SEMA6D: variants seen among roughly 807,000 people sequenced by gnomAD.
The protein encoded by SEMA6D is semaphorin 6D.
In SEMA6D, 35 loss-of-function variants were observed where a neutral mutation model predicts 106.6. That is an observed-to-expected ratio of 0.33 (90% confidence interval 0.25 to 0.44). SEMA6D has a LOEUF of 0.44. Ranked by LOEUF, SEMA6D falls within the 20% of genes least tolerant of loss-of-function variation. SEMA6D has a pLI of 1.00. For synonymous variants in SEMA6D, 499 were observed against 487.7 expected, an observed-to-expected ratio of 1.02 and a Z score of -0.31; for missense variants, 1,185 against 1,345.9, an observed-to-expected ratio of 0.88 and a Z score of 1.87.
chr15:47,203,602 C>A (rs1170744923), intron 1 of SEMA6D, among the ~76,000 whole-genome samples: 2 of 152,102 alleles, frequency 1.3e-5, no homozygotes, highest in Non-Finnish European at 2.9e-5. Context: ...ACCATCTGGC[C>A]CATCTTTGAG....
intron 3 of SEMA6D, among the ~76,000 whole-genome samples, chr15:47,532,555 T>C (rs2045007994): frequency 6.6e-6 from 1 of 152,168 alleles, no homozygotes; most frequent in South Asian, 2.1e-4. Flanking sequence ...AAACCTTTAT[T>C]AGATGTCAAA....
chr15:47,306,461 C>A (rs914766366), intron 1 of SEMA6D, among the ~76,000 whole-genome samples: 2 of 152,096 alleles, frequency 1.3e-5, no homozygotes, highest in African/African-American at 4.8e-5. Context: ...GTGGCTTATG[C>A]CTGTAATCCC....
intron 1 of SEMA6D, among the ~76,000 whole-genome samples, chr15:47,239,726 CA>C (rs1032379326): frequency 1.3e-5 from 2 of 152,138 alleles, no homozygotes; most frequent in African/African-American, 4.8e-5. Context: ...ATATCAGTTT[CA>C]CGTATGGTAG....
At position 47,217,566 on chromosome 15, in the gene SEMA6D, GGTGTGTGT is replaced by G. The variant is rs146342466; in HGVS notation, c.-239+33169_-239+33176del. Reference sequence around the variant, plus strand: ...GTGAAATACAAACCACGCGTGCACGGGTGTGTGTGTGTGTGTGTGTGTGTGTGTTTAAT... The same window carrying G: ...GTGAAATACAAACCACGCGTGCACGGGTGTGTGTGTGTGTGTGTGTTTAAT... On this transcript the variant is annotated intron_variant, in intron 1 of 19. Coordinates refer to the SEMA6D transcript ENST00000558014. Among the ~76,000 whole-genome samples, 95 of 145,918 alleles carry G rather than the reference GGTGTGTGT, an allele frequency of 6.5e-4. 1 individual carries two copies. Among genetic ancestry groups the G allele is most frequent in the South Asian group, 1.6e-3 (7 of 4,496 alleles).
chr15:47,641,921 G>A (rs1005796182), intron 4 of SEMA6D, among the ~76,000 whole-genome samples: 4 of 152,196 alleles, frequency 2.6e-5, no homozygotes, highest in Non-Finnish European at 5.9e-5. Flanking sequence ...GATGTGCCCT[G>A]TTGTAGCACA....
intron 4 of SEMA6D, among the ~76,000 whole-genome samples, chr15:47,673,050 G>T (rs1194535353): frequency 6.6e-6 from 1 of 151,896 alleles, no homozygotes; most frequent in Non-Finnish European, 1.5e-5. Flanking sequence ...GACCATTTTC[G>T]TGGGTTTCAT....
At chr15:47,317,886 A>G (rs2036745380) in intron 1 of SEMA6D, among the ~76,000 whole-genome samples, 1 of 151,942 alleles carries the variant, frequency 6.6e-6, no homozygotes, top group Admixed American at 6.5e-5. Context: ...GGGATCTATA[A>G]TTTTGAGTTT....
At chr15:47,737,502 C>T (rs1189249268) in intron 1 of SEMA6D, among the ~76,000 whole-genome samples, 1 of 152,148 alleles carries the variant, frequency 6.6e-6, no homozygotes, top group African/African-American at 2.4e-5. Flanking sequence ...TAGTATTTGT[C>T]TATATGCATC....
intron 1 of SEMA6D, 75 bp downstream of exon 1, chr15:47,717,767 C>CTGTGTGTGTGTGTGTGTGTG (rs112847344): frequency 8.7e-6 from 1 of 115,288 alleles, no homozygotes; most frequent in African/African-American, 4.0e-5. Context: ...TCCCGAATCG[C>CTGTGTGTGTGTGTGTGTGTG]TGTGTGTGTG....
intron 2 of SEMA6D, among the ~76,000 whole-genome samples, chr15:47,454,636 T>C (rs1396271389): frequency 1.4e-5 from 2 of 140,084 alleles, no homozygotes; most frequent in Non-Finnish European, 3.0e-5. Context: ...CAGAGCTTTT[T>C]ACCCCATTAT....
intron 4 of SEMA6D, among the ~76,000 whole-genome samples, chr15:47,612,903 G>A (rs2076938776): frequency 6.6e-6 from 1 of 152,042 alleles, no homozygotes; most frequent in Non-Finnish European, 1.5e-5. Flanking sequence ...TCTAGATCTT[G>A]TAGTTAACAA....
At chr15:47,190,537 A>C (rs893391768) in intron 1 of SEMA6D, among the ~76,000 whole-genome samples, 1 of 152,296 alleles carries the variant, frequency 6.6e-6, no homozygotes, top group South Asian at 2.1e-4. Flanking sequence ...ATTAGCTCCA[A>C]GTTTGGCCTT....
chr15:47,282,525 T>C (rs1158626250), intron 1 of SEMA6D, among the ~76,000 whole-genome samples: 1 of 152,188 alleles, frequency 6.6e-6, no homozygotes, highest in African/African-American at 2.4e-5. Flanking sequence ...ACAAACACTC[T>C]TATAAGTGTA....
At chr15:47,378,204 G>C (rs114490233) in intron 1 of SEMA6D, among the ~76,000 whole-genome samples, 1 of 152,082 alleles carries the variant, frequency 6.6e-6, no homozygotes, top group South Asian at 2.1e-4. Flanking sequence ...TCTCAATGTT[G>C]AAGATTGAAA....
At chr15:47,360,787 A>G (rs1202373415) in intron 1 of SEMA6D, among the ~76,000 whole-genome samples, 1 of 152,286 alleles carries the variant, frequency 6.6e-6, no homozygotes, top group African/African-American at 2.4e-5. Context: ...TCAGAAAAAT[A>G]AAATGAATAT....
intron 1 of SEMA6D, among the ~76,000 whole-genome samples, chr15:47,361,293 C>T (rs2038793569): frequency 6.6e-6 from 1 of 152,146 alleles, no homozygotes; most frequent in Admixed American, 6.5e-5. Flanking sequence ...TCAAAATGGA[C>T]ATATCCCCTT....
Position 47,768,706 on chromosome 15 carries a change from A to G in SEMA6D, c.1891A>G (p.Asn631Asp). 1.2e-6 allele frequency: 2 copies of G among 1,613,494 alleles called. No homozygotes were observed. Among genetic ancestry groups the G allele is most frequent in the Non-Finnish European group, 1.7e-6 (2 of 1,179,588 alleles). Residue 631 changes from asparagine (N) to aspartate (D), a missense_variant, in exon 18 of 19, where the codon AAC becomes GAC. Physicochemically the swap from Asn to Asp is conservative, Grantham distance 23 (BLOSUM62 1). This residue lies in a region of SEMA6D where 750 missense variants were observed against 783.5 expected (regional missense o/e 0.96). Coordinates refer to ENST00000536845, the MANE Select transcript of SEMA6D (RefSeq NM_001358351.3). ...SRKFVVQDDPNTSDFTDPLSG... is the reference protein window; with the variant it reads ...SRKFVVQDDPDTSDFTDPLSG... ...GAAATTTGTAGTTCAAGATGATCCA[A>G]ACACTTCTGATTTTACTGATCCTTT...
intron 1 of SEMA6D, among the ~76,000 whole-genome samples, chr15:47,365,273 T>C (rs2038970069): frequency 6.6e-6 from 1 of 152,178 alleles, no homozygotes; most frequent in Non-Finnish European, 1.5e-5. Context: ...GTTTTCTCCC[T>C]TGCTTAGCAT....
intron 1 of SEMA6D, among the ~76,000 whole-genome samples, chr15:47,187,430 T>A (rs71467616): frequency 6.6e-6 from 1 of 152,076 alleles, no homozygotes; most frequent in Admixed American, 6.6e-5. Flanking sequence ...TCAAAACTTA[T>A]ATTTAAACGT....
Sources: allele counts gnomAD v4.1 joint callset (sites outside exome capture counted in the v4.1 genomes callset), GRCh38; gene constraint gnomAD v4.1.1; regional missense constraint gnomAD v4.1.1; transcripts MANE v1.5; gene names NCBI Gene and HGNC (gene_info 2026-07-23, HGNC 2026-07-21).